TSPAN5: variants seen among roughly 807,000 people sequenced by gnomAD.
TSPAN5 encodes the protein tetraspanin-5.
TSPAN5 carries 10 observed loss-of-function variants against 37.1 expected under a neutral mutation model. The observed-to-expected ratio is 0.27, with a 90% CI of 0.17 to 0.46. The LOEUF (loss-of-function observed/expected upper bound fraction) is 0.46. TSPAN5 is among the 20% of genes least tolerant of loss of function. The pLI, the probability that TSPAN5 is intolerant of heterozygous loss-of-function variation, is 1.00. For synonymous variants in TSPAN5, 110 were observed against 118.9 expected (o/e 0.93, Z 0.48); for missense variants, 195 against 326.6 (o/e 0.60, Z 3.11).
intron 1 of TSPAN5, among the ~76,000 whole-genome samples, chr4:98,642,114 C>A (rs559517764): frequency 6.6e-6 from 1 of 152,264 alleles, no homozygotes; most frequent in Admixed American, 6.5e-5. Flanking sequence ...ATGAAATAAG[C>A]ATTTGCACAG....
chr4:98,541,005 G>T (rs1754344907), intron 1 of TSPAN5, among the ~76,000 whole-genome samples: 1 of 152,174 alleles, frequency 6.6e-6, no homozygotes, highest in Non-Finnish European at 1.5e-5. Context: ...GCTTCAGCAA[G>T]ACCAGGCTTG....
At chr4:98,605,499 T>A (rs949869147) in intron 1 of TSPAN5, among the ~76,000 whole-genome samples, 2 of 152,160 alleles carry the variant, frequency 1.3e-5, no homozygotes, top group African/African-American at 4.8e-5. Context: ...CACTGTGACC[T>A]CCTGCATGAA....
At chr4:98,476,090 A>G in intron 7 of TSPAN5, 99 bp downstream of exon 7, 3 of 868,964 alleles carry the variant, frequency 3.5e-6, no homozygotes, top group Non-Finnish European at 1.9e-6. Flanking sequence ...TGTCTTAAAA[A>G]CTATGACAAT....
intron 1 of TSPAN5, among the ~76,000 whole-genome samples, chr4:98,562,945 A>G (rs186466604): frequency 1.3e-5 from 2 of 152,220 alleles, no homozygotes; most frequent in African/African-American, 4.8e-5. Context: ...TTCCCAGAAA[A>G]GGTTTGGTCT....
Position 98,634,556 on chromosome 4 carries a change from C to T in TSPAN5, c.81+23590G>A, listed in dbSNP as rs547353060. Among the ~76,000 whole-genome samples the T allele has an allele frequency of 4.6e-5, 7 of 152,332 alleles. No individual in the cohort carries two copies. The South Asian group carries it at 1.2e-3, about 27-fold the overall frequency. ...TTACTTTGCATGCTATTATAAAACACTTGCTGTAAGTCCACACATAAGGAG... is the reference window on the plus strand; with the variant it reads ...TTACTTTGCATGCTATTATAAAACATTTGCTGTAAGTCCACACATAAGGAG... On this transcript the variant is annotated intron_variant, in intron 1 of 7. Coordinates refer to ENST00000305798, the MANE Select transcript of TSPAN5 (RefSeq NM_005723.4).
At chr4:98,522,868 C>T (rs1753884878) in intron 1 of TSPAN5, among the ~76,000 whole-genome samples, 3 of 152,102 alleles carry the variant, frequency 2.0e-5, no homozygotes, top group Admixed American at 6.6e-5. Context: ...TTCCTCTTTC[C>T]AACTTTTCAT....
At chr4:98,549,551 A>G (rs894215592) in intron 1 of TSPAN5, among the ~76,000 whole-genome samples, 1 of 151,604 alleles carries the variant, frequency 6.6e-6, no homozygotes, top group Non-Finnish European at 1.5e-5. Flanking sequence ...TGCCCACCTC[A>G]GTCTCCCAAA....
At chr4:98,543,616 C>T (rs1754409172) in intron 1 of TSPAN5, among the ~76,000 whole-genome samples, 1 of 151,776 alleles carries the variant, frequency 6.6e-6, no homozygotes, top group Non-Finnish European at 1.5e-5. Flanking sequence ...GACAGGGTTT[C>T]ACCATGTTGG....
intron 1 of TSPAN5, among the ~76,000 whole-genome samples, chr4:98,607,079 C>A (rs1281542958): frequency 6.6e-6 from 1 of 152,144 alleles, no homozygotes; most frequent in African/African-American, 2.4e-5. Context: ...TGGTCAGCAT[C>A]CTCCATTTCC....
In TSPAN5 at chr4:98,500,505, A is replaced by C. The variant is rs903570498; in HGVS notation, c.132+7173T>G. Among the ~76,000 whole-genome samples, 6 of 152,282 alleles carry C rather than the reference A, an allele frequency of 3.9e-5. 1 individual carries two copies. In the South Asian group the frequency reaches 1.2e-3, roughly 32 times the overall value. On this transcript the variant is annotated intron_variant, in intron 2 of 7. Transcript: ENST00000305798. ...CAATCACCCCTAGAGAACCCAGCGT[A>C]GTGAGTGCAATGGAGGATGACAGGG...
intron 1 of TSPAN5, among the ~76,000 whole-genome samples, chr4:98,582,324 G>A (rs1272886558): frequency 6.6e-6 from 1 of 152,192 alleles, no homozygotes; most frequent in East Asian, 1.9e-4. Flanking sequence ...CGGCACAACA[G>A]GGACCCAGAG....
At chr4:98,494,870 T>C (rs1753164647) in intron 2 of TSPAN5, among the ~76,000 whole-genome samples, 2 of 152,032 alleles carry the variant, frequency 1.3e-5, no homozygotes, top group Admixed American at 1.3e-4. Context: ...GATCTTCTTT[T>C]GGGGGGAATT....
chr4:98,551,654 G>C (rs1290783532), intron 1 of TSPAN5, among the ~76,000 whole-genome samples: 6 of 37,382 alleles, frequency 1.6e-4, no homozygotes, highest in Non-Finnish European at 3.1e-4. Flanking sequence ...ATCACGCCCA[G>C]CTAATTTTTT....
chr4:98,604,613 GGTTTCCATTTTTAA>G (rs1755963448), intron 1 of TSPAN5, among the ~76,000 whole-genome samples: 1 of 152,196 alleles, frequency 6.6e-6, no homozygotes, highest in South Asian at 2.1e-4. Context: ...TTTAGTCTGA[GGTTTCCATTTTTAA>G]GATGTACGAA....
chr4:98,592,419 CTGTTTTT>C (rs1218794118), intron 1 of TSPAN5, among the ~76,000 whole-genome samples: 5 of 108,260 alleles, frequency 4.6e-5, no homozygotes, highest in South Asian at 3.5e-4. Flanking sequence ...TAAGGGATCT[CTGTTTTT>C]TGTTTTTTTT....
Position 98,576,935 on chromosome 4 carries a change from A to G in TSPAN5, c.82-69207T>C, listed in dbSNP as rs537862643. 8.6e-5 allele frequency among the ~76,000 whole-genome samples: 13 copies of G among 152,030 alleles called. No homozygotes were observed. The East Asian group carries it at 1.4e-3, about 16-fold the overall frequency. On this transcript the variant is annotated intron_variant, in intron 1 of 7. Transcript: ENST00000305798. The stretch of plus-strand genomic sequence containing the variant: ...CCACCACATCTGGCTAATTTTTTGT[A>G]TTTTTAGTAGAAATGGGGTTTTGCC...
chr4:98,619,697 T>C (rs1756437171), intron 1 of TSPAN5, among the ~76,000 whole-genome samples: 1 of 152,174 alleles, frequency 6.6e-6, no homozygotes, highest in Non-Finnish European at 1.5e-5. Flanking sequence ...TGTCCATCTG[T>C]TCAGGCTGCT....
At chr4:98,484,269 A>T in intron 3 of TSPAN5, 1 of 366,180 alleles carries the variant, frequency 2.7e-6, no homozygotes. Flanking sequence ...GCCTCGGTCA[A>T]CCAAGAAGGT....
intron 1 of TSPAN5, among the ~76,000 whole-genome samples, chr4:98,529,706 T>C (rs1754039766): frequency 6.6e-6 from 1 of 152,228 alleles, no homozygotes; most frequent in Non-Finnish European, 1.5e-5. Flanking sequence ...CTATTGGCAA[T>C]ACAGTTTCTC....
Sources: allele counts gnomAD v4.1 joint callset (sites outside exome capture counted in the v4.1 genomes callset), GRCh38; gene constraint gnomAD v4.1.1; transcripts MANE v1.5; gene names NCBI Gene and HGNC (gene_info 2026-07-23, HGNC 2026-07-21).